The following DNAAF1 variants were observed in gnomAD, a reference collection of about 807,000 sequenced individuals.
DNAAF1 encodes the protein dynein assembly factor 1, axonemal.
A neutral mutation model predicts 71.1 loss-of-function variants in DNAAF1; 65 were observed. The ratio of observed to expected loss-of-function variants is 0.91; its 90% CI spans 0.75 to 1.12. The LOEUF (loss-of-function observed/expected upper bound fraction) is 1.12. Among genes scored for constraint, DNAAF1 ranks in the 50% most tolerant of loss-of-function variants. The pLI is 0.00. For missense variants in DNAAF1, 1,178 were observed against 899.8 expected (o/e 1.31, Z -3.96); for synonymous variants, 414 against 354.6 (o/e 1.17, Z -1.88).
chr16:84,173,405 A>G (rs4319758), intron 9 of DNAAF1: 100,563 of 800,852 alleles, frequency 0.13, 6,702 homozygotes, highest in South Asian at 0.27. Flanking sequence ...TGGAGCTTGC[A>G]GTGAGCCGAG....
In DNAAF1 at chr16:84,176,150, ACAC is replaced by A. The variant is rs1398618758; in HGVS notation, c.1919_1921del (p.Thr640del). ...AGGGACTTGGAAATCCGAAAACAAG[ACAC>A]CAAGTCCCCAAGACCCCTGATCCAG... On this transcript the variant is annotated inframe_deletion, in exon 11 of 12. Transcript: ENST00000378553. 1 of 1,614,076 alleles carries A rather than the reference ACAC, an allele frequency of 6.2e-7. No homozygotes were observed. Among genetic ancestry groups the A allele is most frequent in the Non-Finnish European group, 8.5e-7 (1 of 1,179,992 alleles).
At chr16:84,157,285 G>C (rs150013167) in intron 5 of DNAAF1, among the ~76,000 whole-genome samples, 2,124 of 152,146 alleles carry the variant, frequency 0.014, 25 homozygotes, top group Non-Finnish European at 0.02. Flanking sequence ...CACTTTGGGA[G>C]GCCCAGGTGG....
At chr16:84,151,287 G>A (rs2087168344) in intron 3 of DNAAF1, among the ~76,000 whole-genome samples, 1 of 152,182 alleles carries the variant, frequency 6.6e-6, no homozygotes, top group Non-Finnish European at 1.5e-5. Context: ...TGCCTTTGGT[G>A]TCCTGGGGGA....
At position 84,159,680 on chromosome 16, in the gene DNAAF1, A is replaced by C. The variant is rs771939202; in HGVS notation, c.747A>C (p.Val249=). ...SILESMPDLR[V]LNLMGNPVIR... is the part of the protein sequence containing the mutation. ...TTCTGCTTGTCTTCTTGCAGCGTGT[A>C]CTGAATTTGATGGGAAACCCGGTTA... Residue 249 remains valine, a synonymous_variant, in exon 6 of 12, where the codon GTA becomes GTC. Coordinates refer to ENST00000378553, the MANE Select transcript of DNAAF1 (RefSeq NM_178452.6). 3 of 1,612,178 alleles carry C rather than the reference A, an allele frequency of 1.9e-6. No homozygotes were observed. Among genetic ancestry groups the C allele is most frequent in the Non-Finnish European group, 2.5e-6 (3 of 1,178,900 alleles).
rs76179977 is a variant in DNAAF1, at chr16:84,151,291, T to A, written c.352+949T>A. ...ACCGGCAAAGGTGCCTTTGGTGTCC[T>A]GGGGGATGGGAGCAGCTATTATGAG... On this transcript the variant is annotated intron_variant, in intron 3 of 11. Transcript: ENST00000378553. Among the ~76,000 whole-genome samples the A allele has an allele frequency of 6.1e-4, 93 of 152,236 alleles. 2 individuals are homozygous for A. The highest frequency in any genetic ancestry group is 2.1e-3 in the African/African-American group (86 of 41,550).
rs1165621423 is a variant in DNAAF1 at position 84,170,087 on chromosome 16, C to G, written c.1259C>G (p.Thr420Ser). 4 of 1,590,960 alleles carry G rather than the reference C, an allele frequency of 2.5e-6. No homozygotes were observed. In the African/African-American group the frequency reaches 5.4e-5, roughly 21 times the overall value. Residue 420 changes from threonine to serine, a missense_variant, in exon 8 of 12, where the codon ACC becomes AGC. Thr to Ser is a moderately conservative substitution (Grantham distance 58, BLOSUM62 1). Transcript: ENST00000378553. ...PEPEGTLPAE[T>S]LLLSSPVEVK... ...CCAGAGGGGACCCTCCCAGCTGAGA[C>G]CCTGCTACTGTCGTCACCTGTGGAG...
intron 5 of DNAAF1, among the ~76,000 whole-genome samples, chr16:84,156,038 A>G (rs2087412087): frequency 6.6e-6 from 1 of 151,966 alleles, no homozygotes; most frequent in Non-Finnish European, 1.5e-5. Context: ...AACTCCGCCC[A>G]CTGCAACCTC....
At chr16:84,163,377 CTTTT>C (rs1025309160) in intron 6 of DNAAF1, among the ~76,000 whole-genome samples, 28 of 131,770 alleles carry the variant, frequency 2.1e-4, no homozygotes, top group African/African-American at 6.4e-4. Context: ...CTCTCTCTCT[CTTTT>C]TCTTTTTTTT....
In DNAAF1 at chr16:84,150,248, C is replaced by A. The variant is rs780546636; in HGVS notation, c.261-3C>A. 1.9e-6 allele frequency: 3 copies of A among 1,609,052 alleles called. No individual in the cohort carries two copies. The highest frequency in any genetic ancestry group is 1.7e-5 in the Admixed American group (1 of 59,998). ...GCTTATTCATATTTTTCCATTTTAACAGAATGACTAAAAGTTCCCTGCAAA... is the reference window on the plus strand; with the variant it reads ...GCTTATTCATATTTTTCCATTTTAAAAGAATGACTAAAAGTTCCCTGCAAA... On this transcript the variant is annotated splice_region_variant and splice_polypyrimidine_tract_variant and intron_variant, in intron 2 of 11. Coordinates refer to ENST00000378553, the MANE Select transcript of DNAAF1 (RefSeq NM_178452.6).
At chr16:84,151,516 G>T (rs988962613) in intron 3 of DNAAF1, among the ~76,000 whole-genome samples, 3 of 152,212 alleles carry the variant, frequency 2.0e-5, no homozygotes, top group African/African-American at 7.2e-5. Context: ...GTGGGAAGAA[G>T]AAAGGAACCA....
In DNAAF1 at chr16:84,150,350, C is replaced by G; in HGVS notation, c.352+8C>G. ...TGTATTTACACTTTAAAGGTAAGGACCTAAGAGAGGAAGTGCTTCACGTCA... is the reference window on the plus strand; with the variant it reads ...TGTATTTACACTTTAAAGGTAAGGAGCTAAGAGAGGAAGTGCTTCACGTCA... On this transcript the variant is annotated splice_region_variant and intron_variant, in intron 3 of 11. Coordinates refer to ENST00000378553, the MANE Select transcript of DNAAF1 (RefSeq NM_178452.6). 1 of 1,595,092 alleles carries G rather than the reference C, an allele frequency of 6.3e-7. No homozygotes were observed. The highest frequency in any genetic ancestry group is 8.6e-7 in the Non-Finnish European group (1 of 1,162,674).
chr16:84,168,604 C>T (rs2088147866), intron 7 of DNAAF1, among the ~76,000 whole-genome samples: 1 of 151,990 alleles, frequency 6.6e-6, no homozygotes, highest in Non-Finnish European at 1.5e-5. Context: ...ATAAAAATGG[C>T]AGAAATATGT....
chr16:84,175,594 G>C, intron 10 of DNAAF1: 2 of 341,278 alleles, frequency 5.9e-6, no homozygotes, highest in Non-Finnish European at 1.1e-5. Context: ...TGTCCAAGGA[G>C]CTAAGTCCCA....
At chr16:84,152,834 G>A (rs1473191164) in intron 3 of DNAAF1, among the ~76,000 whole-genome samples, 1 of 151,886 alleles carries the variant, frequency 6.6e-6, no homozygotes, top group Non-Finnish European at 1.5e-5. Flanking sequence ...GCGGGTACCT[G>A]TAATCTCAGC....
intron 5 of DNAAF1, 100 bp from the exon 6 acceptor site, chr16:84,159,575 A>G (rs1365694875): frequency 5.3e-6 from 8 of 1,496,194 alleles, no homozygotes; most frequent in Non-Finnish European, 7.3e-6. Context: ...ATTTTGCTCA[A>G]AAAATAGATT....
rs149958269 is a variant in DNAAF1, at chr16:84,170,015, G to C, written c.1187G>C (p.Gly396Ala). Reference protein sequence around the residue: ...KDELCPEKPSGEEPPVEAKRE... With the variant: ...KDELCPEKPSAEEPPVEAKRE... ...GAGCTCTGCCCGGAAAAGCCAAGTG[G>C]AGAGGAGCCGCCTGTGGAGGCTAAA... The change falls in exon 8 of 12, where the codon GGA becomes GCA. Residue 396 changes from glycine (G) to alanine (A), a missense_variant. Coordinates refer to ENST00000378553, the MANE Select transcript of DNAAF1 (RefSeq NM_178452.6). 6.8e-6 allele frequency: 11 copies of C among 1,613,762 alleles called. No individual in the cohort carries two copies. Among genetic ancestry groups the C allele is most frequent in the Non-Finnish European group, 9.3e-6 (11 of 1,180,032 alleles).
intron 1 of DNAAF1, among the ~76,000 whole-genome samples, chr16:84,147,910 A>G (rs2086989290): frequency 6.6e-6 from 1 of 152,134 alleles, no homozygotes; most frequent in Non-Finnish European, 1.5e-5. Flanking sequence ...TACTAAAAAT[A>G]CAAAAAAATT....
intron 5 of DNAAF1, 79 bp from the exon 6 acceptor site, chr16:84,159,596 A>G (rs1427016545): frequency 1.3e-6 from 2 of 1,530,658 alleles, no homozygotes; most frequent in African/African-American, 2.8e-5. Flanking sequence ...TTGTTCATTT[A>G]TTCTTAGTGC....
At chr16:84,151,657 G>C (rs1471906340) in intron 3 of DNAAF1, among the ~76,000 whole-genome samples, 2 of 152,198 alleles carry the variant, frequency 1.3e-5, no homozygotes, top group Non-Finnish European at 2.9e-5. Context: ...ATCTCACCCA[G>C]TTTCTGAGGG....
Sources: allele counts gnomAD v4.1 joint callset (sites outside exome capture counted in the v4.1 genomes callset), GRCh38; gene constraint gnomAD v4.1.1; transcripts MANE v1.5; gene names NCBI Gene and HGNC (gene_info 2026-07-23, HGNC 2026-07-21).